Variants in KCNH8 observed in about 807,000 individuals in gnomAD.
The protein encoded by KCNH8 is voltage-gated delayed rectifier potassium channel KCNH8.
In KCNH8, 70 loss-of-function variants were observed where a neutral mutation model predicts 103.6. That is an observed-to-expected ratio of 0.68 (90% CI 0.56 to 0.82). The LOEUF (loss-of-function observed/expected upper bound fraction) is 0.82. KCNH8 is among the 40% of genes least tolerant of loss of function. The probability of loss-of-function intolerance (pLI) is 0.00; values close to 1 mark genes in which losing one functional copy is unlikely to be tolerated. For missense variants in KCNH8, 1,217 were observed against 1,329.9 expected, an observed-to-expected ratio of 0.92 and a Z score of 1.32; for synonymous variants, 498 against 489.4, an observed-to-expected ratio of 1.02 and a Z score of -0.23.
chr3:19,353,727 C>T (rs908153665), intron 5 of KCNH8, among the ~76,000 whole-genome samples: 7 of 152,030 alleles, frequency 4.6e-5, no homozygotes, highest in South Asian at 2.1e-4. Flanking sequence ...ATTGATGGGA[C>T]GTATCTCAAA....
At chr3:19,443,900 G>A (rs1238074427) in intron 8 of KCNH8, among the ~76,000 whole-genome samples, 2 of 152,028 alleles carry the variant, frequency 1.3e-5, no homozygotes, top group Non-Finnish European at 1.5e-5. Context: ...ATGGAAGGAT[G>A]TACAATGGTG....
rs76975011 is a variant in KCNH8 at position 19,208,069 on chromosome 3, C to G, written c.77-45585C>G. 5.0e-3 allele frequency among the ~76,000 whole-genome samples: 757 copies of G among 152,046 alleles called. 4 individuals carry two copies. Among genetic ancestry groups the G allele is most frequent in the African/African-American group, 0.016 (669 of 41,532 alleles). ...CAGTTGAATTAATAAAACTCTAGCA[C>G]TTACAGCCTTTGCCTGTTTATCTGC... On this transcript the variant is annotated intron_variant, in intron 1 of 15. Coordinates refer to ENST00000328405, the MANE Select transcript of KCNH8 (RefSeq NM_144633.3).
intron 11 of KCNH8, among the ~76,000 whole-genome samples, chr3:19,504,047 A>C (rs1162308720): frequency 6.6e-6 from 1 of 152,162 alleles, no homozygotes; most frequent in East Asian, 1.9e-4. Context: ...ACACATCTAC[A>C]ACCATCTGAT....
chr3:19,473,853 C>T (rs1391208589), intron 11 of KCNH8, among the ~76,000 whole-genome samples: 1 of 152,138 alleles, frequency 6.6e-6, no homozygotes, highest in Non-Finnish European at 1.5e-5. Flanking sequence ...TTTTCATTCA[C>T]ATTTTTCCGT....
At chr3:19,273,486 T>G (rs77191646) in intron 2 of KCNH8, among the ~76,000 whole-genome samples, 8,318 of 152,176 alleles carry the variant, frequency 0.055, 752 homozygotes, top group African/African-American at 0.19. Flanking sequence ...AAGTCAGACA[T>G]TAATTGGGGC....
intron 1 of KCNH8, among the ~76,000 whole-genome samples, chr3:19,226,603 T>TCA (rs1050583733): frequency 4.5e-4 from 66 of 145,274 alleles, no homozygotes; most frequent in African/African-American, 1.3e-3. Flanking sequence ...TCTCTCTCTG[T>TCA]CACACACACA....
intron 1 of KCNH8, among the ~76,000 whole-genome samples, chr3:19,157,383 A>G (rs2063191055): frequency 6.6e-6 from 1 of 152,104 alleles, no homozygotes; most frequent in South Asian, 2.1e-4. Flanking sequence ...TTTGTGTTGT[A>G]TTAATTTGGT....
intron 15 of KCNH8, among the ~76,000 whole-genome samples, chr3:19,531,897 ACG>A (rs1258193378): frequency 6.6e-6 from 1 of 152,198 alleles, no homozygotes; most frequent in East Asian, 1.9e-4. Context: ...TTTGTGGTTC[ACG>A]ATAGTAAAAT....
chr3:19,355,413 G>A (rs1217774836), intron 5 of KCNH8, among the ~76,000 whole-genome samples: 1 of 152,054 alleles, frequency 6.6e-6, no homozygotes, highest in African/African-American at 2.4e-5. Flanking sequence ...AAATCATGCT[G>A]CTATAAAGAC....
In KCNH8 at chr3:19,316,016, A is replaced by T. The variant is rs538230301; in HGVS notation, c.443-26571A>T. Reference sequence around the variant, plus strand: ...ATTATGTCTGATTGTTACTCCATTTATTGTGTGTGACCTAAAGATTTAAAA... The same window carrying T: ...ATTATGTCTGATTGTTACTCCATTTTTTGTGTGTGACCTAAAGATTTAAAA... On this transcript the variant is annotated intron_variant, in intron 3 of 15. Coordinates refer to ENST00000328405, the MANE Select transcript of KCNH8 (RefSeq NM_144633.3). Among the ~76,000 whole-genome samples, 298 of 152,126 alleles carry T rather than the reference A, an allele frequency of 2.0e-3. 1 individual carries two copies. The highest frequency in any genetic ancestry group is 6.9e-3 in the African/African-American group (288 of 41,534).
chr3:19,351,859 A>G (rs190368949), intron 5 of KCNH8, among the ~76,000 whole-genome samples: 190 of 152,300 alleles, frequency 1.2e-3, no homozygotes, highest in African/African-American at 4.3e-3. Flanking sequence ...TGACATCATA[A>G]TGACAGGATC....
At chr3:19,415,086 G>C (rs766051234) in intron 7 of KCNH8, among the ~76,000 whole-genome samples, 7 of 151,836 alleles carry the variant, frequency 4.6e-5, no homozygotes, top group African/African-American at 7.3e-5. Context: ...AAATGTGTTA[G>C]TAAACCAATA....
intron 11 of KCNH8, among the ~76,000 whole-genome samples, chr3:19,486,036 G>A (rs901823060): frequency 2.0e-5 from 3 of 152,226 alleles, no homozygotes; most frequent in Non-Finnish European, 4.4e-5. Flanking sequence ...CTTCTGGGCT[G>A]AAGTGCCCTG....
intron 15 of KCNH8, among the ~76,000 whole-genome samples, chr3:19,532,797 C>A (rs1050134943): frequency 6.6e-6 from 1 of 152,200 alleles, no homozygotes; most frequent in African/African-American, 2.4e-5. Flanking sequence ...TTATGCCCCT[C>A]TAGGCTCTTT....
chr3:19,209,496 C>G (rs369893990), intron 1 of KCNH8, among the ~76,000 whole-genome samples: 4 of 152,094 alleles, frequency 2.6e-5, no homozygotes, highest in East Asian at 3.9e-4. Context: ...CTAATTTAGT[C>G]TTTGGGATTT....
chr3:19,324,697 T>C (rs1326841204), intron 3 of KCNH8, among the ~76,000 whole-genome samples: 1 of 152,054 alleles, frequency 6.6e-6, no homozygotes, highest in Non-Finnish European at 1.5e-5. Context: ...GATCACACAA[T>C]TGGAAAAACA....
rs573392381 is a variant in KCNH8, at chr3:19,278,213, TAA to T, written c.311-2983_311-2982del. 1.1e-4 allele frequency among the ~76,000 whole-genome samples: 17 copies of T among 152,266 alleles called. No individual in the cohort carries two copies. In the East Asian group the frequency reaches 2.9e-3, roughly 26 times the overall value. ...AAAGGATAAGCGAGCATGCTAAGTA[TAA>T]AGAGTCTTGCATTGAACATGATTGG... On this transcript the variant is annotated intron_variant, in intron 2 of 15. Coordinates refer to ENST00000328405, the MANE Select transcript of KCNH8 (RefSeq NM_144633.3).
chr3:19,518,225 T>G, intron 15 of KCNH8, 151 bp downstream of exon 15: 1 of 599,258 alleles, frequency 1.7e-6, no homozygotes, highest in Non-Finnish European at 2.9e-6. Context: ...ATGTAAGTTG[T>G]GTGATCTCTG....
intron 3 of KCNH8, among the ~76,000 whole-genome samples, chr3:19,333,941 A>G (rs927712979): frequency 1.6e-4 from 24 of 152,222 alleles, no homozygotes; most frequent in South Asian, 1.0e-3. Context: ...ATTTTTTTTA[A>G]GCAGCACTTT....
Sources: gnomAD v4.1 joint callset for allele counts (sites outside exome capture counted in the v4.1 genomes callset) on GRCh38, gnomAD v4.1.1 for gene constraint, MANE v1.5 for transcripts, NCBI Gene and HGNC (gene_info 2026-07-23, HGNC 2026-07-21) for gene names.